TLN2: variants seen among roughly 807,000 people sequenced by gnomAD.
TLN2 encodes the protein talin-2.
Under a neutral mutation model 294.7 loss-of-function variants are expected in TLN2, and 118 were observed. The ratio of observed to expected loss-of-function variants is 0.40; its 90% CI spans 0.34 to 0.47. The LOEUF is 0.47. Among genes scored for constraint, TLN2 ranks in the 20% least tolerant of loss-of-function variants. The pLI is 0.84. For synonymous variants in TLN2, 1,431 were observed against 1,304.5 expected (o/e 1.10, Z -2.09); for missense variants, 3,083 against 3,282.2 (o/e 0.94, Z 1.48).
At chr15:62,745,624 C>T (rs934197038) in intron 32 of TLN2, among the ~76,000 whole-genome samples, 1 of 152,136 alleles carries the variant, frequency 6.6e-6, no homozygotes, top group African/African-American at 2.4e-5. Context: ...ATATATTCAT[C>T]TCTGACATTA....
chr15:62,586,690 CAT>C (rs2045639937), intron 1 of TLN2, among the ~76,000 whole-genome samples: 2 of 152,278 alleles, frequency 1.3e-5, no homozygotes, highest in East Asian at 3.9e-4. Context: ...AGTGGTTACA[CAT>C]GTTATAATGG....
intron 50 of TLN2, among the ~76,000 whole-genome samples, chr15:62,804,852 CCTAGG>C (rs1169741409): frequency 6.6e-6 from 1 of 152,140 alleles, no homozygotes; most frequent in Non-Finnish European, 1.5e-5. Context: ...GGTAGCCCCA[CCTAGG>C]CTAGGGGCCC....
intron 1 of TLN2, among the ~76,000 whole-genome samples, chr15:62,453,974 C>T (rs2036311008): frequency 6.6e-6 from 1 of 152,152 alleles, no homozygotes; most frequent in Admixed American, 6.5e-5. Flanking sequence ...GGGCCAGGCC[C>T]ACCCCCAGGT....
intron 3 of TLN2, among the ~76,000 whole-genome samples, chr15:62,630,184 T>A (rs537063801): frequency 2.0e-5 from 3 of 152,146 alleles, no homozygotes; most frequent in Non-Finnish European, 4.4e-5. Flanking sequence ...TGCTTATTAG[T>A]AGGTTGACTA....
intron 1 of TLN2, among the ~76,000 whole-genome samples, chr15:62,463,387 A>G (rs904203471): frequency 2.6e-5 from 4 of 152,096 alleles, no homozygotes; most frequent in African/African-American, 9.7e-5. Context: ...TGATTTCTCT[A>G]TTTCACTTAG....
chr15:62,830,055 A>G (rs183105073), intron 54 of TLN2: 2 of 147,860 alleles, frequency 1.4e-5, no homozygotes, highest in East Asian at 3.9e-4. Flanking sequence ...GCTTGATGCC[A>G]GTAGTTATAG....
At chr15:62,492,418 G>C (rs1404069719) in intron 1 of TLN2, among the ~76,000 whole-genome samples, 1 of 151,960 alleles carries the variant, frequency 6.6e-6, no homozygotes, top group Non-Finnish European at 1.5e-5. Flanking sequence ...AATTAGCTGG[G>C]CGTGGTTGGG....
intron 1 of TLN2, among the ~76,000 whole-genome samples, chr15:62,559,867 T>C (rs2042820849): frequency 6.6e-6 from 1 of 152,214 alleles, no homozygotes; most frequent in African/African-American, 2.4e-5. Context: ...AAGGTCATTA[T>C]TACCTCCCAG....
chr15:62,835,840 C>T, intron 56 of TLN2, 41 bp downstream of exon 56: 2 of 1,614,168 alleles, frequency 1.2e-6, no homozygotes, highest in Non-Finnish European at 8.5e-7. Context: ...CTTTTGGGGT[C>T]CCCTGAGGGA....
chr15:62,778,935 G>A (rs1054350084), intron 43 of TLN2, among the ~76,000 whole-genome samples: 2 of 152,212 alleles, frequency 1.3e-5, no homozygotes, highest in African/African-American at 4.8e-5. Flanking sequence ...TTCAAATTAA[G>A]TGACGTTTCA....
At chr15:62,787,802 C>T (rs2064799501) in intron 45 of TLN2, among the ~76,000 whole-genome samples, 1 of 147,874 alleles carries the variant, frequency 6.8e-6, no homozygotes. Context: ...AGCGATTCTC[C>T]TGCCTCAGCC....
intron 1 of TLN2, among the ~76,000 whole-genome samples, chr15:62,446,489 G>C (rs1024792360): frequency 2.6e-5 from 4 of 152,184 alleles, no homozygotes. Flanking sequence ...CTGGAGTCTA[G>C]AAGAGTGCTT....
In TLN2 at chr15:62,635,337, A is replaced by C. The variant is rs189742611; in HGVS notation, c.-36-11938A>C. 3.1e-4 allele frequency among the ~76,000 whole-genome samples: 47 copies of C among 152,294 alleles called. 1 individual carries two copies. The highest frequency in any genetic ancestry group is 2.9e-3 in the Admixed American group (44 of 15,296). ...TTGCATCCTTATTTATGATAGGAAA[A>C]ACTTGTAAATAGCTGATATACCCAA... On this transcript the variant is annotated intron_variant, in intron 3 of 58. Transcript: ENST00000636159.
intron 7 of TLN2, among the ~76,000 whole-genome samples, chr15:62,654,323 T>C (rs1202817039): frequency 1.3e-5 from 2 of 152,228 alleles, no homozygotes; most frequent in Non-Finnish European, 2.9e-5. Context: ...TGTTTGTGTT[T>C]ATTATAATAA....
chr15:62,444,388 CGGCA>C (rs2140310001), intron 1 of TLN2, among the ~76,000 whole-genome samples: 1 of 152,342 alleles, frequency 6.6e-6, no homozygotes, highest in Admixed American at 6.5e-5. Context: ...TTCCATGAAG[CGGCA>C]TAGGCCTTTG....
Position 62,795,418 on chromosome 15 carries a change from G to A in TLN2, c.5884-709G>A, listed in dbSNP as rs140744055. ...GGTTTATGTCATAGGAAAGTACCTC[G>A]GAGCAGTGAGGGTGTACGTGATGGG... On this transcript the variant is annotated intron_variant, in intron 46 of 58. Coordinates refer to ENST00000636159, the MANE Select transcript of TLN2 (RefSeq NM_015059.3). 9.9e-4 allele frequency among the ~76,000 whole-genome samples: 151 copies of A among 152,290 alleles called. 1 individual carries two copies. The highest frequency in any genetic ancestry group is 3.6e-3 in the African/African-American group (148 of 41,554).
rs1306918907 is a variant in TLN2 at position 62,814,731 on chromosome 15, T to C, written c.6771+4699T>C. 2.0e-5 allele frequency among the ~76,000 whole-genome samples: 3 copies of C among 152,222 alleles called. No homozygotes were observed. In the East Asian group the frequency reaches 5.8e-4, roughly 29 times the overall value. On this transcript the variant is annotated intron_variant, in intron 52 of 58. Transcript: ENST00000636159. ...AATACAAGTTCCTGGTGAAAAATTA[T>C]AGAAACCCTCACAACAGTATTCGGT...
At chr15:62,738,043 C>T (rs1257575532) in intron 29 of TLN2, among the ~76,000 whole-genome samples, 171 bp from the exon 30 acceptor site, 1 of 152,108 alleles carries the variant, frequency 6.6e-6, no homozygotes, top group Admixed American at 6.5e-5. Context: ...TGGAAAACAT[C>T]TCTGGGACAA....
At chr15:62,427,802 G>A (rs2034798787) in intron 1 of TLN2, among the ~76,000 whole-genome samples, 1 of 152,050 alleles carries the variant, frequency 6.6e-6, no homozygotes, top group Non-Finnish European at 1.5e-5. Context: ...GGGAAGCCTC[G>A]ACTCCCTATT....
Sources: allele counts gnomAD v4.1 joint callset (sites outside exome capture counted in the v4.1 genomes callset), GRCh38; gene constraint gnomAD v4.1.1; transcripts MANE v1.5; gene names NCBI Gene and HGNC (gene_info 2026-07-23, HGNC 2026-07-21).